KIAA1328: variants seen among roughly 807,000 people sequenced by gnomAD.
KIAA1328 encodes the protein protein hinderin.
In KIAA1328, 52 loss-of-function variants were observed where a neutral mutation model predicts 68.1. The observed-to-expected ratio is 0.76, with a 90% CI of 0.61 to 0.96. The LOEUF (loss-of-function observed/expected upper bound fraction) is 0.96. KIAA1328 is among the 40% of genes least tolerant of loss of function. KIAA1328 has a pLI of 0.00. For synonymous variants in KIAA1328, 232 were observed against 239.4 expected, an observed-to-expected ratio of 0.97 and a Z score of 0.28; for missense variants, 641 against 677.6, an observed-to-expected ratio of 0.95 and a Z score of 0.60.
At position 37,204,962 on chromosome 18, in the gene KIAA1328, CTTG is replaced by C. The variant is rs143018752; in HGVS notation, c.1524-17034_1524-17032del. 4.4e-4 allele frequency among the ~76,000 whole-genome samples: 66 copies of C among 151,226 alleles called. 1 individual carries two copies. The highest frequency in any genetic ancestry group is 1.6e-3 in the Admixed American group (25 of 15,210). ...ACAACCACTATTTATGGCTTTTGAC[CTTG>C]TTGTTGTTGTTGTTGTTGTTTTAAA... On this transcript the variant is annotated intron_variant, in intron 9 of 9. Coordinates refer to ENST00000280020, the MANE Select transcript of KIAA1328 (RefSeq NM_020776.3).
intron 7 of KIAA1328, among the ~76,000 whole-genome samples, chr18:37,099,858 T>G (rs1300106545): frequency 6.6e-6 from 1 of 152,184 alleles, no homozygotes; most frequent in Non-Finnish European, 1.5e-5. Flanking sequence ...TTGATATTAG[T>G]TGGTTTAAAG....
Position 37,223,281 on chromosome 18 carries a change from A to G in KIAA1328, c.*1054A>G. On this transcript the variant is annotated 3_prime_UTR_variant, in exon 10 of 10. Transcript: ENST00000280020. ...CTTGCCAGAGTATGTTCCACCACCC[A>G]AGCAGGGTCTCCCTACTTTTTCTCA... The G allele has an allele frequency of 1.2e-5, 12 of 985,224 alleles. No individual in the cohort carries two copies. The highest frequency in any genetic ancestry group is 1.4e-5 in the Non-Finnish European group (12 of 829,990). 61.0% of individuals were successfully genotyped at this position (985,224 alleles called of 1,614,324 possible). A position where few individuals can be genotyped will look rare whatever the true frequency, so the allele number is the denominator to read the frequency against.
At chr18:37,016,020 A>G (rs897587542) in intron 6 of KIAA1328, among the ~76,000 whole-genome samples, 4 of 152,084 alleles carry the variant, frequency 2.6e-5, no homozygotes, top group African/African-American at 4.8e-5. Context: ...TGTGGCTAGC[A>G]CTTCCAGTAC....
At chr18:37,004,407 CA>C (rs2053700328) in intron 6 of KIAA1328, among the ~76,000 whole-genome samples, 1 of 151,702 alleles carries the variant, frequency 6.6e-6, no homozygotes, top group Admixed American at 6.6e-5. Context: ...AACAAATTAG[CA>C]AGAAAAATAT....
intron 5 of KIAA1328, among the ~76,000 whole-genome samples, chr18:36,917,233 T>C (rs745319227): frequency 6.6e-6 from 1 of 152,164 alleles, no homozygotes; most frequent in African/African-American, 2.4e-5. Context: ...TATATTCTGT[T>C]GTAGTCCTCT....
chr18:36,951,543 A>G (rs1487965136), intron 5 of KIAA1328, among the ~76,000 whole-genome samples: 2 of 152,190 alleles, frequency 1.3e-5, no homozygotes, highest in African/African-American at 4.8e-5. Flanking sequence ...GCCACCACAT[A>G]TAAAGTGATT....
chr18:37,009,903 C>T (rs1433559053), intron 6 of KIAA1328, among the ~76,000 whole-genome samples: 2 of 152,080 alleles, frequency 1.3e-5, no homozygotes, highest in Non-Finnish European at 2.9e-5. Context: ...TTTCTCTTCC[C>T]ATACATAGTT....
chr18:37,045,781 T>C (rs1318971528), intron 6 of KIAA1328, among the ~76,000 whole-genome samples: 5 of 152,282 alleles, frequency 3.3e-5, no homozygotes, highest in African/African-American at 1.2e-4. Flanking sequence ...ATTTGGGAGA[T>C]GTTAATTGAG....
At chr18:37,196,577 A>C (rs1023889599) in intron 9 of KIAA1328, among the ~76,000 whole-genome samples, 1 of 152,120 alleles carries the variant, frequency 6.6e-6, no homozygotes, top group African/African-American at 2.4e-5. Flanking sequence ...TGTTGACGTG[A>C]TATATCACAT....
At chr18:36,985,533 A>C (rs538792396) in intron 6 of KIAA1328, among the ~76,000 whole-genome samples, 1 of 152,328 alleles carries the variant, frequency 6.6e-6, no homozygotes, top group South Asian at 2.1e-4. Context: ...AGAGAATACA[A>C]AAATGGACCC....
intron 9 of KIAA1328, among the ~76,000 whole-genome samples, chr18:37,214,303 A>T (rs2060380587): frequency 6.6e-6 from 1 of 152,132 alleles, no homozygotes; most frequent in Non-Finnish European, 1.5e-5. Context: ...TAAGTCTTTA[A>T]TCCTTTTTGA....
chr18:37,136,921 T>C (rs1405712620), intron 7 of KIAA1328, among the ~76,000 whole-genome samples: 1 of 152,250 alleles, frequency 6.6e-6, no homozygotes, highest in Non-Finnish European at 1.5e-5. Flanking sequence ...TGTTTAGTGA[T>C]CACTACAGTA....
At chr18:36,975,130 C>T (rs2052409008) in intron 6 of KIAA1328, among the ~76,000 whole-genome samples, 1 of 150,204 alleles carries the variant, frequency 6.7e-6, no homozygotes, top group South Asian at 2.1e-4. Context: ...CCATTGAACT[C>T]TTTCAAAGCT....
intron 5 of KIAA1328, among the ~76,000 whole-genome samples, chr18:36,932,077 A>T (rs916837685): frequency 1.3e-5 from 2 of 151,812 alleles, no homozygotes; most frequent in African/African-American, 4.8e-5. Context: ...AGAGAAAAAG[A>T]TATATAATAT....
intron 6 of KIAA1328, among the ~76,000 whole-genome samples, chr18:36,981,377 C>G (rs939874491): frequency 1.3e-5 from 2 of 151,884 alleles, no homozygotes; most frequent in African/African-American, 4.8e-5. Flanking sequence ...ATATATAATA[C>G]CCAAGAAGAT....
intron 1 of KIAA1328, among the ~76,000 whole-genome samples, chr18:36,831,876 C>T (rs1229419111): frequency 6.6e-6 from 1 of 152,042 alleles, no homozygotes; most frequent in Non-Finnish European, 1.5e-5. Flanking sequence ...TTTCTAATTA[C>T]AGTTAGCCCT....
intron 7 of KIAA1328, among the ~76,000 whole-genome samples, chr18:37,157,648 A>G (rs1300210806): frequency 5.9e-5 from 9 of 151,752 alleles, no homozygotes; most frequent in Admixed American, 5.9e-4. Context: ...CATCTCTACT[A>G]AAAATACAAA....
In KIAA1328 at chr18:36,829,174, C is replaced by T. The variant is rs536530906; in HGVS notation, c.36C>T (p.Ala12=). The T allele has an allele frequency of 1.7e-4, 263 of 1,533,202 alleles. No individual in the cohort carries two copies. Among genetic ancestry groups the T allele is most frequent in the Non-Finnish European group, 2.2e-4 (256 of 1,142,410 alleles). The allele number at this position is 1,533,202 out of a possible 1,614,324, so 95.0% of individuals were successfully genotyped here. ...ADVAGPSRPS[A]AAFWSRDFSD... ...TGGCGGGCCCCTCCCGCCCCAGTGC[C>T]GCGGCGTTCTGGAGCCGGGACTGTA... The change falls in exon 1 of 10, where the codon GCC becomes GCT. Residue 12 remains alanine (A), a synonymous_variant. Coordinates refer to ENST00000280020, the MANE Select transcript of KIAA1328 (RefSeq NM_020776.3).
chr18:36,916,712 A>T (rs748944893), intron 5 of KIAA1328, among the ~76,000 whole-genome samples: 1 of 152,172 alleles, frequency 6.6e-6, no homozygotes, highest in Non-Finnish European at 1.5e-5. Context: ...ACAGAGAGGA[A>T]AATTCTTTCC....
Sources: gnomAD v4.1 joint callset for allele counts (sites outside exome capture counted in the v4.1 genomes callset) on GRCh38, gnomAD v4.1.1 for gene constraint, MANE v1.5 for transcripts, NCBI Gene and HGNC (gene_info 2026-07-23, HGNC 2026-07-21) for gene names.